The following VDR variants were observed in gnomAD, a reference collection of about 807,000 sequenced individuals.
The protein encoded by VDR is vitamin D receptor.
A neutral mutation model predicts 39.7 loss-of-function variants in VDR; 19 were observed. The observed-to-expected ratio is 0.48, with a 90% CI of 0.33 to 0.70. VDR has a LOEUF of 0.70. Ranked by LOEUF, VDR falls within the 30% of genes least tolerant of loss-of-function variation. The pLI is 0.02. For synonymous variants in VDR, 242 were observed against 215.8 expected (o/e 1.12, Z -1.07); for missense variants, 442 against 570.5 (o/e 0.77, Z 2.29).
intron 2 of VDR, among the ~76,000 whole-genome samples, chr12:47,879,707 T>C (rs1158725905): frequency 1.3e-5 from 2 of 152,208 alleles, no homozygotes; most frequent in African/African-American, 4.8e-5. Context: ...TCAGGGCTAA[T>C]AGGCTTATGC....
intron 3 of VDR, 102 bp downstream of exon 3, chr12:47,878,866 T>C (rs1946068963): frequency 6.3e-7 from 1 of 1,585,018 alleles, no homozygotes; most frequent in Non-Finnish European, 8.6e-7. Flanking sequence ...CCATGGACAT[T>C]GTAAGGAAGG....
intron 7 of VDR, among the ~76,000 whole-genome samples, chr12:47,853,370 G>A (rs1384057284): frequency 6.6e-6 from 1 of 151,686 alleles, no homozygotes; most frequent in Non-Finnish European, 1.5e-5. Context: ...GTGAACCCGG[G>A]AGGCGGAGCT....
rs781372447 is a variant in VDR at position 47,844,785 on chromosome 12, C to G, written c.1245G>C (p.Thr415=). The change falls in exon 10 of 10, where the codon ACG becomes ACC. Residue 415 remains threonine (T), a synonymous_variant. Transcript: ENST00000549336. ...SFQPECSMKL[T]PLVLEVFGNE... ...TGCCAAACACTTCGAGCACAAGGGG[C>G]GTTAGCTTCATGCTGCACTCAGGCT... The G allele has an allele frequency of 6.2e-7, 1 of 1,614,112 alleles. No homozygotes were observed. Among genetic ancestry groups the G allele is most frequent in the East Asian group, 2.2e-5 (1 of 44,874 alleles).
intron 4 of VDR, among the ~76,000 whole-genome samples, chr12:47,864,800 C>G (rs376722828): frequency 3.3e-5 from 5 of 152,322 alleles, no homozygotes; most frequent in East Asian, 1.9e-4. Context: ...CTGGAGGGAC[C>G]CTTCCAGGGC....
At chr12:47,900,630 G>A (rs17882106) in intron 1 of VDR, among the ~76,000 whole-genome samples, 10,744 of 152,322 alleles carry the variant, frequency 0.071, 533 homozygotes, top group Non-Finnish European at 0.11. Context: ...TGAGTGCTCA[G>A]TAAGTAGCTG....
At chr12:47,869,927 G>C (rs1376274889) in intron 3 of VDR, among the ~76,000 whole-genome samples, 1 of 152,064 alleles carries the variant, frequency 6.6e-6, no homozygotes, top group Non-Finnish European at 1.5e-5. Flanking sequence ...GAAAGTACTG[G>C]GGGTAAAAAA....
At chr12:47,845,106 C>A in intron 9 of VDR, 101 bp from the exon 10 acceptor site, 1 of 1,570,452 alleles carries the variant, frequency 6.4e-7, no homozygotes, top group Non-Finnish European at 8.6e-7. Flanking sequence ...TCAACGGCAG[C>A]ACCCCCTAGG....
intron 4 of VDR, among the ~76,000 whole-genome samples, chr12:47,859,417 A>G (rs1259724654): frequency 1.3e-5 from 2 of 152,214 alleles, no homozygotes; most frequent in Non-Finnish European, 2.9e-5. Flanking sequence ...TGTTCTGGGC[A>G]TGCTGGCATT....
At chr12:47,845,055 C>T (rs1291491572) in intron 9 of VDR, 50 bp from the exon 10 acceptor site, 9 of 1,600,322 alleles carry the variant, frequency 5.6e-6, no homozygotes, top group Non-Finnish European at 7.6e-6. Context: ...CAGCTGGGCC[C>T]CTCACTGCTC....
intron 1 of VDR, among the ~76,000 whole-genome samples, chr12:47,897,292 T>C (rs1270531415): frequency 2.0e-5 from 3 of 152,228 alleles, no homozygotes; most frequent in Admixed American, 6.5e-5. Context: ...TTGGTTATTA[T>C]GATTGTCAGC....
intron 7 of VDR, among the ~76,000 whole-genome samples, chr12:47,847,297 G>C (rs921111570): frequency 2.6e-5 from 4 of 152,016 alleles, no homozygotes; most frequent in African/African-American, 9.7e-5. Flanking sequence ...GAGTGCCCTG[G>C]TTCAGAGCTC....
At position 47,843,351 on chromosome 12, in the gene VDR, G is replaced by T. The variant is rs906702652; in HGVS notation, c.*1395C>A. The stretch of plus-strand genomic sequence containing the variant: ...ACATTCCTGGTGACTCAGGGAATGC[G>T]GCCGCATTCCCCAAACTCAAGCACT... On this transcript the variant is annotated 3_prime_UTR_variant, in exon 10 of 10. Transcript: ENST00000549336. 2.0e-5 allele frequency: 3 copies of T among 152,106 alleles called. No individual in the cohort carries two copies. The highest frequency in any genetic ancestry group is 7.3e-5 in the African/African-American group (3 of 41,356). The allele number at this position is 152,106 out of a possible 1,614,324, so 9.4% of individuals were successfully genotyped here. A position where few individuals can be genotyped will look rare whatever the true frequency, so the allele number is the denominator to read the frequency against.
At position 47,883,482 on chromosome 12, in the gene VDR, G is replaced by A. The variant is rs546012183; in HGVS notation, c.-83-708C>T. ...GCTCAACACCCCCAGCTGCAGTAGG[G>A]TTGACTCTGCTGCCCAGACTCTGGA... On this transcript the variant is annotated intron_variant, in intron 1 of 9. Transcript: ENST00000549336. Among the ~76,000 whole-genome samples the A allele has an allele frequency of 1.3e-4, 20 of 152,322 alleles. No individual in the cohort carries two copies. The South Asian group carries it at 2.5e-3, about 19-fold the overall frequency.
In VDR at chr12:47,878,967, C is replaced by T; in HGVS notation, c.146+1G>A. 1.2e-6 allele frequency: 2 copies of T among 1,614,206 alleles called. No homozygotes were observed. The highest frequency in any genetic ancestry group is 1.1e-5 in the South Asian group (1 of 91,090). On this transcript the variant is annotated splice_donor_variant, in intron 3 of 9. Transcript: ENST00000549336. LOFTEE classifies it high-confidence loss of function. ...GGGGAGAGCCTGGGAGGAGGGCTCA[C>T]CTGAAGAAGCCTTTGCAGCCTTCAC...
chr12:47,891,025 T>G (rs59128934), intron 1 of VDR, among the ~76,000 whole-genome samples: 8,894 of 152,258 alleles, frequency 0.058, 251 homozygotes, highest in Middle Eastern at 0.075. Flanking sequence ...TTTTCCTTAT[T>G]TTCCTTCTGG....
intron 7 of VDR, among the ~76,000 whole-genome samples, chr12:47,854,005 G>C (rs1945436829): frequency 6.6e-6 from 1 of 152,072 alleles, no homozygotes; most frequent in African/African-American, 2.4e-5. Flanking sequence ...ATGAAACATA[G>C]GAATAAATGA....
intron 7 of VDR, among the ~76,000 whole-genome samples, chr12:47,849,601 CCTT>C (rs1253905295): frequency 6.6e-6 from 1 of 152,200 alleles, no homozygotes; most frequent in African/African-American, 2.4e-5. Context: ...GCCGTGTCCT[CCTT>C]CAGATAGTCT....
intron 1 of VDR, chr12:47,900,062 G>A (rs1349272239): frequency 3.6e-6 from 2 of 551,682 alleles, no homozygotes; most frequent in Non-Finnish European, 4.6e-6. Context: ...AAAGATGCCT[G>A]TTTGAAAGAT....
At chr12:47,875,333 A>G (rs972275798) in intron 3 of VDR, among the ~76,000 whole-genome samples, 7 of 152,226 alleles carry the variant, frequency 4.6e-5, no homozygotes, top group Non-Finnish European at 1.0e-4. Flanking sequence ...ATATTCAAGC[A>G]ATGCTGTCTG....
Sources: gnomAD v4.1 joint callset for allele counts (sites outside exome capture counted in the v4.1 genomes callset) on GRCh38, gnomAD v4.1.1 for gene constraint, MANE v1.5 for transcripts, NCBI Gene and HGNC (gene_info 2026-07-23, HGNC 2026-07-21) for gene names.